The following LRP12 variants were observed in gnomAD, a reference collection of about 807,000 sequenced individuals.
LRP12 encodes LDL receptor related protein 12.
LRP12 carries 14 observed loss-of-function variants against 66.0 expected under a neutral mutation model. The ratio of observed to expected loss-of-function variants is 0.21; its 90% confidence interval spans 0.14 to 0.33. The LOEUF is 0.33. Among genes scored for constraint, LRP12 ranks in the 10% least tolerant of loss-of-function variants. The pLI, the probability that LRP12 is intolerant of heterozygous loss-of-function variation, is 1.00. For missense variants in LRP12, 889 were observed against 1,053.4 expected (o/e 0.84, Z 2.16); for synonymous variants, 357 against 359.1 (o/e 0.99, Z 0.07).
At position 104,497,405 on chromosome 8, in the gene LRP12, C is replaced by A. The variant is rs1308395650; in HGVS notation, c.1147G>T (p.Gly383Ter). Residue 383 changes from glycine (G) to a stop codon, truncating the protein, a stop_gained, in exon 5 of 7, where the codon GGA becomes TGA. Coordinates refer to ENST00000276654, the MANE Select transcript of LRP12 (RefSeq NM_013437.5). LOFTEE classifies it high-confidence loss of function. The surrounding 1 kb of genome is among the most constrained non-coding windows in gnomAD (Gnocchi z 4.3). ...GFCLPWEIPCGGNWGCYTEQQ... is the reference protein window; with the variant it reads ...GFCLPWEIPC The stretch of plus-strand genomic sequence containing the variant: ...TCAGTATAACACCCCCAGTTACCTC[C>A]ACAGGGTATTTCCCATGGCAAACAG... 1 of 1,614,042 alleles carries A rather than the reference C, an allele frequency of 6.2e-7. No individual in the cohort carries two copies.
At chr8:104,567,012 A>G (rs1341754948) in intron 1 of LRP12, among the ~76,000 whole-genome samples, 1 of 152,110 alleles carries the variant, frequency 6.6e-6, no homozygotes, top group Admixed American at 6.5e-5. Flanking sequence ...ATTTAAAAAA[A>G]AAACAAAAAT....
At chr8:104,521,811 TA>T (rs1811156963) in intron 2 of LRP12, among the ~76,000 whole-genome samples, 1 of 151,992 alleles carries the variant, frequency 6.6e-6, no homozygotes, top group South Asian at 2.1e-4. Context: ...AAGACATTTT[TA>T]TAACACTGGT....
intron 1 of LRP12, among the ~76,000 whole-genome samples, chr8:104,582,686 T>C (rs1373049866): frequency 1.3e-5 from 2 of 152,162 alleles, no homozygotes; most frequent in Non-Finnish European, 1.5e-5. Flanking sequence ...CCTCCCCTTG[T>C]AATTTAAGTC....
At chr8:104,563,801 C>T (rs892758552) in intron 1 of LRP12, among the ~76,000 whole-genome samples, 4 of 152,132 alleles carry the variant, frequency 2.6e-5, no homozygotes, top group South Asian at 4.2e-4. Flanking sequence ...GCCAGTGCCT[C>T]GATGCTGGAC....
At chr8:104,527,978 C>A (rs1411752297) in intron 2 of LRP12, among the ~76,000 whole-genome samples, 1 of 152,152 alleles carries the variant, frequency 6.6e-6, no homozygotes, top group Non-Finnish European at 1.5e-5. Flanking sequence ...GTGCTTGATA[C>A]ATGTTAAATG....
chr8:104,492,403 A>T (rs892225550), intron 6 of LRP12, among the ~76,000 whole-genome samples: 2 of 152,180 alleles, frequency 1.3e-5, no homozygotes, highest in South Asian at 4.1e-4. Flanking sequence ...ATAGTCTTTA[A>T]GCTCCATCTA....
chr8:104,512,302 C>T lies in LRP12; in HGVS notation c.137-3228G>A, dbSNP rs149287820. 9.0e-3 allele frequency among the ~76,000 whole-genome samples: 1,366 copies of T among 152,166 alleles called. 15 individuals are homozygous for T. The highest frequency in any genetic ancestry group is 0.014 in the Non-Finnish European group (970 of 67,992). ...ACTGCACTCCAGCCTGGTGACAGAGCGAGACTTTTCATTATCTCCTAACAC... is the reference window on the plus strand; with the variant it reads ...ACTGCACTCCAGCCTGGTGACAGAGTGAGACTTTTCATTATCTCCTAACAC... On this transcript the variant is annotated intron_variant, in intron 2 of 6. Transcript: ENST00000276654.
chr8:104,494,813 T>C (rs1810698528), intron 6 of LRP12, among the ~76,000 whole-genome samples: 1 of 152,220 alleles, frequency 6.6e-6, no homozygotes. Context: ...TTTGCCAAGC[T>C]TAATACTTTT....
chr8:104,543,596 G>C lies in LRP12; in HGVS notation c.80-11633C>G, dbSNP rs370101516. Among the ~76,000 whole-genome samples, 4 of 152,220 alleles carry C rather than the reference G, an allele frequency of 2.6e-5. No homozygotes were observed. The East Asian group carries it at 7.7e-4, about 29-fold the overall frequency. On this transcript the variant is annotated intron_variant, in intron 1 of 6. Transcript: ENST00000276654. ...ATGATCTCTAAGTGTTCAGGTAAAA[G>C]GAACACTCACACATTTCTCACTTTA...
chr8:104,494,962 T>C (rs1330532475), intron 6 of LRP12, 115 bp downstream of exon 6: 3 of 886,012 alleles, frequency 3.4e-6, no homozygotes, highest in Middle Eastern at 2.4e-4. Flanking sequence ...CTTCCATACA[T>C]TTAAATCCTT....
chr8:104,534,400 T>C (rs1483436587), intron 1 of LRP12, among the ~76,000 whole-genome samples: 1 of 152,058 alleles, frequency 6.6e-6, no homozygotes, highest in Non-Finnish European at 1.5e-5. Context: ...AATTGTATAC[T>C]TTAGCATTGG....
At chr8:104,560,300 C>T (rs560374580) in intron 1 of LRP12, among the ~76,000 whole-genome samples, 1 of 152,030 alleles carries the variant, frequency 6.6e-6, no homozygotes, top group South Asian at 2.1e-4. Flanking sequence ...AAATATGAGG[C>T]TCTTCTACCA....
At chr8:104,564,448 G>A (rs1188467614) in intron 1 of LRP12, among the ~76,000 whole-genome samples, 1 of 152,066 alleles carries the variant, frequency 6.6e-6, no homozygotes, top group Non-Finnish European at 1.5e-5. Context: ...CGCGCATTAT[G>A]TACAAAATTT....
At chr8:104,552,676 T>G (rs1181415167) in intron 1 of LRP12, among the ~76,000 whole-genome samples, 1 of 152,162 alleles carries the variant, frequency 6.6e-6, no homozygotes, top group African/African-American at 2.4e-5. Flanking sequence ...AAGCAGAGAA[T>G]TATCCTTTTT....
At chr8:104,576,899 A>G (rs1812173030) in intron 1 of LRP12, among the ~76,000 whole-genome samples, 2 of 152,184 alleles carry the variant, frequency 1.3e-5, no homozygotes, top group Admixed American at 6.5e-5. Flanking sequence ...GGTTTAAAAT[A>G]AAGAGAGAAA....
intron 2 of LRP12, among the ~76,000 whole-genome samples, chr8:104,510,490 TG>T (rs1367938159): frequency 6.6e-6 from 1 of 152,062 alleles, no homozygotes; most frequent in Non-Finnish European, 1.5e-5. Context: ...TTGCACTATC[TG>T]GAACTCTCGT....
intron 1 of LRP12, among the ~76,000 whole-genome samples, chr8:104,544,335 G>A (rs992613478): frequency 1.3e-5 from 2 of 152,196 alleles, no homozygotes; most frequent in African/African-American, 4.8e-5. Context: ...AGGTGAGGCT[G>A]TAAGTACTGA....
chr8:104,572,922 G>A (rs1812104545), intron 1 of LRP12, among the ~76,000 whole-genome samples: 1 of 152,124 alleles, frequency 6.6e-6, no homozygotes, highest in South Asian at 2.1e-4. Context: ...ATAAAGACCA[G>A]AGATAAATCA....
At chr8:104,498,813 C>A (rs1160522316) in intron 4 of LRP12, among the ~76,000 whole-genome samples, 4 of 152,264 alleles carry the variant, frequency 2.6e-5, no homozygotes, top group Non-Finnish European at 4.4e-5. Context: ...CCATGAAGAT[C>A]TTGCATTTTG....
Sources: gnomAD v4.1 joint callset for allele counts (sites outside exome capture counted in the v4.1 genomes callset) on GRCh38, gnomAD v4.1.1 for gene constraint, Gnocchi (gnomAD v3.1) non-coding constraint, MANE v1.5 for transcripts, NCBI Gene and HGNC (gene_info 2026-07-23, HGNC 2026-07-21) for gene names.